Variants in GPC6 observed in about 807,000 individuals in gnomAD.
The protein encoded by GPC6 is glypican-6.
In GPC6, 14 loss-of-function variants were observed where a neutral mutation model predicts 55.2. The observed-to-expected ratio is 0.25, with a 90% confidence interval of 0.17 to 0.40. The LOEUF (loss-of-function observed/expected upper bound fraction) is 0.40, where lower values mean the gene tolerates loss of function less well. Ranked by LOEUF, GPC6 falls within the 10% of genes least tolerant of loss-of-function variation. The pLI, the probability that GPC6 is intolerant of heterozygous loss-of-function variation, is 1.00. For missense variants in GPC6, 641 were observed against 708.5 expected, an observed-to-expected ratio of 0.90 and a Z score of 1.08; for synonymous variants, 278 against 259.6, an observed-to-expected ratio of 1.07 and a Z score of -0.68.
At chr13:94,213,500 G>A (rs1890142851) in intron 4 of GPC6, among the ~76,000 whole-genome samples, 2 of 152,096 alleles carry the variant, frequency 1.3e-5, no homozygotes. Flanking sequence ...TCAGCTTTTG[G>A]GGCTTAAATC....
intron 3 of GPC6, among the ~76,000 whole-genome samples, chr13:93,866,066 G>A (rs543572072): frequency 5.3e-4 from 81 of 151,836 alleles, no homozygotes; most frequent in Non-Finnish European, 6.6e-4. Context: ...ATGGCCTGAT[G>A]TGTCCAAAAC....
intron 3 of GPC6, among the ~76,000 whole-genome samples, chr13:93,932,753 G>A (rs911893390): frequency 4.6e-5 from 7 of 152,040 alleles, no homozygotes; most frequent in Admixed American, 3.3e-4. Flanking sequence ...TCACCTAATC[G>A]TGGACATAGG....
chr13:94,339,866 C>T (rs1259481486), intron 6 of GPC6, among the ~76,000 whole-genome samples: 3 of 144,082 alleles, frequency 2.1e-5, no homozygotes, highest in African/African-American at 5.2e-5. Flanking sequence ...CGGGTTCAAG[C>T]AATTCTCCTG....
chr13:93,767,242 C>T (rs1316109792), intron 2 of GPC6, among the ~76,000 whole-genome samples: 2 of 152,054 alleles, frequency 1.3e-5, no homozygotes, highest in South Asian at 2.1e-4. Flanking sequence ...TTTGGACTTA[C>T]TTAGAGTTGC....
At chr13:93,824,055 T>C (rs112789761) in intron 2 of GPC6, among the ~76,000 whole-genome samples, 3 of 152,182 alleles carry the variant, frequency 2.0e-5, no homozygotes, top group African/African-American at 7.2e-5. Context: ...AAAATCTTTA[T>C]ATAATTTCAA....
intron 6 of GPC6, among the ~76,000 whole-genome samples, chr13:94,371,638 C>T (rs1293189521): frequency 2.6e-5 from 4 of 152,280 alleles, no homozygotes; most frequent in Middle Eastern, 3.4e-3. Context: ...CAATTACTGC[C>T]CTCTGCTGAA....
chr13:93,691,619 A>C (rs75030103), intron 2 of GPC6, among the ~76,000 whole-genome samples: 1 of 152,054 alleles, frequency 6.6e-6, no homozygotes, highest in South Asian at 2.1e-4. Context: ...TGAAAAAATT[A>C]TTCACACCTT....
At chr13:93,916,960 G>T (rs564021343) in intron 3 of GPC6, among the ~76,000 whole-genome samples, 2 of 152,200 alleles carry the variant, frequency 1.3e-5, no homozygotes, top group East Asian at 3.9e-4. Context: ...TAAACTAGTT[G>T]CTGCTTTATG....
chr13:93,414,206 TG>T (rs1219335313), intron 1 of GPC6, among the ~76,000 whole-genome samples: 1 of 152,130 alleles, frequency 6.6e-6, no homozygotes, highest in African/African-American at 2.4e-5. Context: ...TCATGTACTT[TG>T]TGTTTTTCAG....
chr13:93,325,935 C>A (rs926540406), intron 1 of GPC6, among the ~76,000 whole-genome samples: 1 of 152,108 alleles, frequency 6.6e-6, no homozygotes, highest in Non-Finnish European at 1.5e-5. Flanking sequence ...ATTCATTCAA[C>A]AGATGTTCAT....
chr13:93,739,502 T>G (rs1043126729), intron 2 of GPC6, among the ~76,000 whole-genome samples: 1 of 151,064 alleles, frequency 6.6e-6, no homozygotes, highest in Non-Finnish European at 1.5e-5. Context: ...CGATTTCGGC[T>G]CACTGCAAGC....
At chr13:93,629,392 A>G (rs1020722030) in intron 2 of GPC6, among the ~76,000 whole-genome samples, 7 of 152,148 alleles carry the variant, frequency 4.6e-5, no homozygotes, top group Admixed American at 1.3e-4. Flanking sequence ...CACCATTATT[A>G]GAAAACGGCA....
intron 3 of GPC6, among the ~76,000 whole-genome samples, chr13:93,879,279 A>G (rs1243248469): frequency 2.6e-5 from 4 of 152,114 alleles, no homozygotes. Context: ...TTTGGTTTGA[A>G]AGCTGGAGGC....
chr13:93,708,287 T>C (rs1234475761), intron 2 of GPC6, among the ~76,000 whole-genome samples: 1 of 151,826 alleles, frequency 6.6e-6, no homozygotes, highest in African/African-American at 2.4e-5. Flanking sequence ...TAGCTTTCTT[T>C]TAAATTTTCA....
At chr13:94,071,220 A>C (rs988910311) in intron 4 of GPC6, among the ~76,000 whole-genome samples, 25 of 152,178 alleles carry the variant, frequency 1.6e-4, no homozygotes, top group African/African-American at 6.0e-4. Context: ...TGGTTAACTC[A>C]GTTTTGAAAT....
At chr13:94,171,368 G>T (rs1888563634) in intron 4 of GPC6, among the ~76,000 whole-genome samples, 1 of 152,156 alleles carries the variant, frequency 6.6e-6, no homozygotes, top group South Asian at 2.1e-4. Context: ...TTTTCTGGAT[G>T]TTCTCAAATG....
At chr13:93,746,690 G>T (rs982716513) in intron 2 of GPC6, among the ~76,000 whole-genome samples, 3 of 152,140 alleles carry the variant, frequency 2.0e-5, no homozygotes. Flanking sequence ...GGTGTCTATA[G>T]CATAGCAGCA....
intron 2 of GPC6, among the ~76,000 whole-genome samples, chr13:93,764,673 A>G (rs1340258432): frequency 6.6e-6 from 1 of 152,066 alleles, no homozygotes; most frequent in Non-Finnish European, 1.5e-5. Flanking sequence ...TAACAAAACC[A>G]TTGTGTGAGG....
At chr13:93,449,218 G>A (rs1204183660) in intron 1 of GPC6, among the ~76,000 whole-genome samples, 3 of 150,800 alleles carry the variant, frequency 2.0e-5, no homozygotes, top group East Asian at 1.9e-4. Flanking sequence ...GGAAGGGTCC[G>A]AGATGAAGTA....
Sources: gnomAD v4.1 joint callset for allele counts (sites outside exome capture counted in the v4.1 genomes callset) on GRCh38, gnomAD v4.1.1 for gene constraint, MANE v1.5 for transcripts, NCBI Gene and HGNC (gene_info 2026-07-23, HGNC 2026-07-21) for gene names.